Variants in CAPZB observed in about 807,000 individuals in gnomAD.
The protein encoded by CAPZB is capping actin protein of muscle Z-line subunit beta.
In CAPZB, 2 loss-of-function variants were observed where a neutral mutation model predicts 38.1. That is an observed-to-expected ratio of 0.05 (90% confidence interval 0.02 to 0.17). The LOEUF is 0.17. Among genes scored for constraint, CAPZB ranks in the 10% least tolerant of loss-of-function variants. The pLI is 1.00. For synonymous variants in CAPZB, 107 were observed against 127.4 expected (o/e 0.84, Z 1.08); for missense variants, 161 against 334.2 (o/e 0.48, Z 4.04).
At chr1:19,417,487 T>C (rs1271817562) in intron 2 of CAPZB, among the ~76,000 whole-genome samples, 3 of 152,178 alleles carry the variant, frequency 2.0e-5, no homozygotes, top group Non-Finnish European at 4.4e-5. Context: ...CATAGATTTC[T>C]GACCAAGAAA....
At chr1:19,425,369 A>ACTCCTGAACTC (rs1553283323) in intron 1 of CAPZB, among the ~76,000 whole-genome samples, 2 of 150,366 alleles carry the variant, frequency 1.3e-5, no homozygotes, top group African/African-American at 5.0e-5. Context: ...GGTAACAAGC[A>ACTCCTGAACTC]CTGTTTCTGA....
At chr1:19,366,313 T>TATATATATATATATATATATATATATAA (rs2094087728) in intron 4 of CAPZB, among the ~76,000 whole-genome samples, 2 of 135,870 alleles carry the variant, frequency 1.5e-5, no homozygotes, top group South Asian at 2.3e-4. Context: ...TATATATAAA[T>TATATATATATATATATATATATATATAA]AAAATAAATG....
chr1:19,387,398 T>C (rs2094209870), intron 2 of CAPZB, among the ~76,000 whole-genome samples: 1 of 152,198 alleles, frequency 6.6e-6, no homozygotes, highest in African/African-American at 2.4e-5. Context: ...TGGAAGGAAG[T>C]CCTGGCTGAG....
chr1:19,457,353 G>A (rs1007687592), intron 1 of CAPZB, among the ~76,000 whole-genome samples: 3 of 152,124 alleles, frequency 2.0e-5, no homozygotes, highest in African/African-American at 4.8e-5. Context: ...GCTCGCTTCC[G>A]GGCTTGATCG....
At chr1:19,440,372 T>C (rs1006019324) in intron 1 of CAPZB, among the ~76,000 whole-genome samples, 2 of 152,112 alleles carry the variant, frequency 1.3e-5, no homozygotes, top group Non-Finnish European at 2.9e-5. Flanking sequence ...ATGTGAGAAA[T>C]AGATACTGGA....
At chr1:19,376,570 C>G (rs1008947652) in intron 4 of CAPZB, among the ~76,000 whole-genome samples, 1 of 152,222 alleles carries the variant, frequency 6.6e-6, no homozygotes, top group Admixed American at 6.5e-5. Context: ...GCACAACCAG[C>G]CCCCCTGCCT....
intron 4 of CAPZB, among the ~76,000 whole-genome samples, chr1:19,369,092 T>C (rs1461963425): frequency 6.6e-6 from 1 of 152,250 alleles, no homozygotes; most frequent in Non-Finnish European, 1.5e-5. Flanking sequence ...ATCATGTTCA[T>C]AAGCAAACTT....
chr1:19,426,097 C>A (rs2094421568), intron 1 of CAPZB, among the ~76,000 whole-genome samples: 1 of 152,180 alleles, frequency 6.6e-6, no homozygotes, highest in East Asian at 1.9e-4. Flanking sequence ...TGGGGCATGG[C>A]CTGGGGAGGT....
chr1:19,461,096 C>CGGGGGGGGGGGGGG (rs67195695), intron 1 of CAPZB, among the ~76,000 whole-genome samples: 2 of 113,120 alleles, frequency 1.8e-5, no homozygotes, highest in Non-Finnish European at 3.6e-5. Context: ...TGGGCGGGGG[C>CGGGGGGGGGGGGGG]GGGGGGGGGA....
intron 4 of CAPZB, among the ~76,000 whole-genome samples, chr1:19,363,619 A>G (rs1469803527): frequency 6.6e-6 from 1 of 152,212 alleles, no homozygotes; most frequent in Non-Finnish European, 1.5e-5. Context: ...AAAAGAAAAG[A>G]AAATGTTTCA....
chr1:19,405,210 A>G (rs1056150324), intron 2 of CAPZB, among the ~76,000 whole-genome samples: 15 of 152,082 alleles, frequency 9.9e-5, no homozygotes, highest in African/African-American at 3.6e-4. Flanking sequence ...TTTTTGGTTC[A>G]TTATCTCATA....
At chr1:19,442,529 G>A (rs2094481121) in intron 1 of CAPZB, among the ~76,000 whole-genome samples, 1 of 152,168 alleles carries the variant, frequency 6.6e-6, no homozygotes, top group East Asian at 1.9e-4. Context: ...AGGCCTGGTT[G>A]CCACCTACTC....
intron 3 of CAPZB, among the ~76,000 whole-genome samples, chr1:19,381,322 A>AT (rs1441039748): frequency 2.1e-5 from 3 of 144,510 alleles, no homozygotes; most frequent in Non-Finnish European, 4.5e-5. Context: ...GTTGATCCTC[A>AT]TGCCTGTCAT....
At chr1:19,462,453 G>A (rs967998701) in intron 1 of CAPZB, among the ~76,000 whole-genome samples, 9 of 144,378 alleles carry the variant, frequency 6.2e-5, no homozygotes, top group African/African-American at 1.5e-4. Flanking sequence ...GTGAGACTCC[G>A]TCTCAAAAAA....
intron 1 of CAPZB, among the ~76,000 whole-genome samples, chr1:19,428,953 C>T (rs2094433082): frequency 6.6e-6 from 1 of 152,156 alleles, no homozygotes; most frequent in Admixed American, 6.5e-5. Context: ...GAGGACTGGT[C>T]CTCCCAGTGA....
chr1:19,383,428 C>T (rs1238302838), intron 3 of CAPZB, among the ~76,000 whole-genome samples: 4 of 131,348 alleles, frequency 3.0e-5, no homozygotes, highest in Admixed American at 2.6e-4. Context: ...ACCTGGACAA[C>T]AGAGTGAGAC....
chr1:19,426,154 G>A (rs1265190616), intron 1 of CAPZB, among the ~76,000 whole-genome samples: 2 of 152,186 alleles, frequency 1.3e-5, no homozygotes, highest in Non-Finnish European at 2.9e-5. Flanking sequence ...AACTACTCAG[G>A]GGGCAGCTAT....
intron 2 of CAPZB, among the ~76,000 whole-genome samples, chr1:19,414,991 A>T (rs184825314): frequency 1.3e-5 from 2 of 152,368 alleles, no homozygotes; most frequent in African/African-American, 4.8e-5. Flanking sequence ...GATGCTGGGA[A>T]GAAAAAAGAA....
intron 1 of CAPZB, among the ~76,000 whole-genome samples, chr1:19,422,192 C>T (rs1331493393): frequency 6.6e-6 from 1 of 152,190 alleles, no homozygotes; most frequent in Non-Finnish European, 1.5e-5. Context: ...CAGGAGACAT[C>T]TGGCAATGTA....
Sources: gnomAD v4.1 joint callset for allele counts (sites outside exome capture counted in the v4.1 genomes callset) on GRCh38, gnomAD v4.1.1 for gene constraint, MANE v1.5 for transcripts, NCBI Gene and HGNC (gene_info 2026-07-23, HGNC 2026-07-21) for gene names.